Variants in C8orf34 observed in about 807,000 individuals in gnomAD.
C8orf34 encodes chromosome 8 open reading frame 34.
In C8orf34, 65 loss-of-function variants were observed where a neutral mutation model predicts 68.3. The observed-to-expected ratio is 0.95, with a 90% confidence interval of 0.78 to 1.17. C8orf34 has a LOEUF of 1.17. Among genes scored for constraint, C8orf34 ranks in the 50% most tolerant of loss-of-function variants. The pLI is 0.00. For synonymous variants in C8orf34, 244 were observed against 241.2 expected (o/e 1.01, Z -0.11); for missense variants, 664 against 655.4 (o/e 1.01, Z -0.14).
chr8:68,607,482 G>A (rs1817889742), intron 7 of C8orf34, among the ~76,000 whole-genome samples: 1 of 152,100 alleles, frequency 6.6e-6, no homozygotes, highest in Admixed American at 6.5e-5. Flanking sequence ...AAGGACACCA[G>A]TGACACTGGG....
At chr8:68,459,722 G>C (rs909433859) in intron 3 of C8orf34, among the ~76,000 whole-genome samples, 7 of 152,172 alleles carry the variant, frequency 4.6e-5, no homozygotes, top group African/African-American at 1.7e-4. Context: ...GTCTATTGCA[G>C]CACTATTCAC....
intron 11 of C8orf34, among the ~76,000 whole-genome samples, chr8:68,779,804 A>G (rs548937761): frequency 2.0e-5 from 3 of 152,254 alleles, no homozygotes; most frequent in South Asian, 2.1e-4. Context: ...ATAATTATTA[A>G]TTATCATAGT....
intron 7 of C8orf34, among the ~76,000 whole-genome samples, chr8:68,574,938 CCCTATT>C (rs1489359022): frequency 6.6e-6 from 1 of 151,824 alleles, no homozygotes; most frequent in Non-Finnish European, 1.5e-5. Context: ...TATAGACACT[CCCTATT>C]CCTTTCTTTC....
rs528008854 is a variant in C8orf34 at position 68,751,864 on chromosome 8, T to C, written c.1405-24535T>C. On this transcript the variant is annotated intron_variant, in intron 10 of 13. Coordinates refer to ENST00000518698, the MANE Select transcript of C8orf34 (RefSeq NM_052958.4). ...ATTTATATTTATAAAATATAAAATA[T>C]ATATTTGAATTTTAAAAAATTATTA... 4.6e-5 allele frequency among the ~76,000 whole-genome samples: 7 copies of C among 150,982 alleles called. No homozygotes were observed. The East Asian group carries it at 9.7e-4, about 21-fold the overall frequency.
At chr8:68,561,341 C>T (rs1299219178) in intron 7 of C8orf34, among the ~76,000 whole-genome samples, 2 of 149,968 alleles carry the variant, frequency 1.3e-5, no homozygotes, top group African/African-American at 5.0e-5. Flanking sequence ...ACTTAAAACG[C>T]AAACACATTA....
intron 11 of C8orf34, among the ~76,000 whole-genome samples, chr8:68,786,543 G>A (rs1157443832): frequency 6.6e-6 from 1 of 152,172 alleles, no homozygotes; most frequent in Non-Finnish European, 1.5e-5. Context: ...TGCAGGATCA[G>A]GGAAGACTTC....
intron 1 of C8orf34, among the ~76,000 whole-genome samples, chr8:68,371,055 C>T (rs1481425804): frequency 6.6e-6 from 1 of 151,986 alleles, no homozygotes; most frequent in East Asian, 1.9e-4. Flanking sequence ...TTAATCAGGG[C>T]CCTTGATCAA....
At chr8:68,471,051 C>G (rs1175591488) in intron 4 of C8orf34, among the ~76,000 whole-genome samples, 1 of 151,970 alleles carries the variant, frequency 6.6e-6, no homozygotes, top group African/African-American at 2.4e-5. Flanking sequence ...AGAAGAGATA[C>G]AGGTATAGGA....
At chr8:68,479,406 T>TGAGAGAGAGA (rs10573693) in intron 4 of C8orf34, among the ~76,000 whole-genome samples, 24 of 147,442 alleles carry the variant, frequency 1.6e-4, no homozygotes, top group African/African-American at 6.0e-4. Flanking sequence ...AGAGAAACAG[T>TGAGAGAGAGA]GAGAGAGAGA....
chr8:68,699,447 T>A (rs752743798), intron 8 of C8orf34, among the ~76,000 whole-genome samples: 2 of 152,064 alleles, frequency 1.3e-5, no homozygotes, highest in Non-Finnish European at 2.9e-5. Flanking sequence ...GCTGGCCATA[T>A]GAACATAATC....
chr8:68,461,058 A>C (rs912816191), intron 3 of C8orf34, among the ~76,000 whole-genome samples: 1 of 152,230 alleles, frequency 6.6e-6, no homozygotes, highest in Admixed American at 6.5e-5. Flanking sequence ...ATTTAGACGA[A>C]TGTATAACTA....
At chr8:68,413,218 AC>A (rs1809519131) in intron 1 of C8orf34, among the ~76,000 whole-genome samples, 2 of 151,600 alleles carry the variant, frequency 1.3e-5, no homozygotes, top group African/African-American at 2.4e-5. Flanking sequence ...TTTTCTCAAA[AC>A]CCCCAGTCCT....
intron 3 of C8orf34, among the ~76,000 whole-genome samples, chr8:68,463,948 T>C (rs938001939): frequency 6.6e-6 from 1 of 152,154 alleles, no homozygotes; most frequent in African/African-American, 2.4e-5. Flanking sequence ...CCAGGGCAAT[T>C]AGGCAGGAGA....
chr8:68,409,009 G>A (rs867911495), intron 1 of C8orf34, among the ~76,000 whole-genome samples: 2 of 151,968 alleles, frequency 1.3e-5, no homozygotes, highest in African/African-American at 4.8e-5. Context: ...GCCTGATCTT[G>A]AACTCCTGAC....
At chr8:68,684,773 T>C (rs895133680) in intron 8 of C8orf34, among the ~76,000 whole-genome samples, 3 of 151,876 alleles carry the variant, frequency 2.0e-5, no homozygotes, top group Admixed American at 1.3e-4. Flanking sequence ...AAAAAAATTA[T>C]AGGCTGCTTA....
intron 10 of C8orf34, among the ~76,000 whole-genome samples, chr8:68,726,680 G>A (rs991351316): frequency 1.3e-5 from 2 of 152,122 alleles, no homozygotes; most frequent in Admixed American, 6.5e-5. Flanking sequence ...CACATGGGTG[G>A]GGAGAGCTCC....
chr8:68,563,232 G>T (rs905815027), intron 7 of C8orf34, among the ~76,000 whole-genome samples: 53 of 152,094 alleles, frequency 3.5e-4, no homozygotes, highest in African/African-American at 1.3e-3. Flanking sequence ...TTAAAATATT[G>T]ATTTCTTATT....
At chr8:68,394,595 C>T (rs966345385) in intron 1 of C8orf34, among the ~76,000 whole-genome samples, 65 of 152,038 alleles carry the variant, frequency 4.3e-4, no homozygotes, top group African/African-American at 1.5e-3. Context: ...TTTTTGAGTG[C>T]CAAATATTTT....
chr8:68,766,937 A>G (rs946517297), intron 10 of C8orf34, among the ~76,000 whole-genome samples: 1 of 152,160 alleles, frequency 6.6e-6, no homozygotes. Flanking sequence ...TAATCCTGGC[A>G]CTTTGGGAGG....
Sources: allele counts gnomAD v4.1 joint callset (sites outside exome capture counted in the v4.1 genomes callset), GRCh38; gene constraint gnomAD v4.1.1; transcripts MANE v1.5; gene names NCBI Gene and HGNC (gene_info 2026-07-23, HGNC 2026-07-21).